The following MDGA2 variants were observed in gnomAD, a reference collection of about 807,000 sequenced individuals.
MDGA2 encodes the protein MAM domain-containing glycosylphosphatidylinositol anchor protein 2.
MDGA2 carries 40 observed loss-of-function variants against 117.8 expected under a neutral mutation model. The observed-to-expected ratio is 0.34, with a 90% confidence interval of 0.26 to 0.44. The LOEUF (loss-of-function observed/expected upper bound fraction) is 0.44. Ranked by LOEUF, MDGA2 falls within the 20% of genes least tolerant of loss-of-function variation. The pLI, the probability that MDGA2 is intolerant of heterozygous loss-of-function variation, is 1.00. For synonymous variants in MDGA2, 452 were observed against 439.0 expected (o/e 1.03, Z -0.37); for missense variants, 1,123 against 1,250.6 (o/e 0.90, Z 1.54).
At chr14:46,939,938 T>C (rs1274783971) in intron 9 of MDGA2, among the ~76,000 whole-genome samples, 1 of 152,126 alleles carries the variant, frequency 6.6e-6, no homozygotes, top group East Asian at 1.9e-4. Context: ...GAGGCTGAAA[T>C]CCAGGCTGTA....
At chr14:47,047,681 G>A (rs751021536) in intron 7 of MDGA2, among the ~76,000 whole-genome samples, 66 of 151,848 alleles carry the variant, frequency 4.3e-4, no homozygotes, top group East Asian at 5.8e-4. Context: ...ATCACTGTAC[G>A]TTGTGTATCA....
intron 5 of MDGA2, among the ~76,000 whole-genome samples, chr14:47,107,664 C>T (rs1422446259): frequency 6.6e-6 from 1 of 151,192 alleles, no homozygotes. Flanking sequence ...CGATCGTGTC[C>T]GACTGATCTC....
intron 1 of MDGA2, among the ~76,000 whole-genome samples, chr14:47,388,323 T>A (rs1013646195): frequency 1.3e-5 from 2 of 152,148 alleles, no homozygotes; most frequent in Non-Finnish European, 2.9e-5. Flanking sequence ...GAGAATAGTA[T>A]ACTGAAGTAA....
intron 3 of MDGA2, among the ~76,000 whole-genome samples, chr14:47,166,663 T>C (rs1313181714): frequency 1.3e-5 from 2 of 152,254 alleles, no homozygotes; most frequent in East Asian, 3.9e-4. Flanking sequence ...ACTTCTAGTC[T>C]ACAAAGCTTG....
At chr14:47,387,824 A>G (rs1315629441) in intron 1 of MDGA2, among the ~76,000 whole-genome samples, 1 of 152,210 alleles carries the variant, frequency 6.6e-6, no homozygotes, top group African/African-American at 2.4e-5. Context: ...TGGACTGAGG[A>G]TACGTTTACG....
intron 1 of MDGA2, among the ~76,000 whole-genome samples, chr14:47,537,703 C>G (rs1465515428): frequency 1.3e-5 from 2 of 148,300 alleles, no homozygotes; most frequent in Non-Finnish European, 3.0e-5. Context: ...TTTGACTAAA[C>G]CAACCTTTGT....
intron 9 of MDGA2, among the ~76,000 whole-genome samples, chr14:46,924,368 G>A (rs1019959747): frequency 5.9e-5 from 9 of 151,716 alleles, no homozygotes; most frequent in African/African-American, 2.2e-4. Flanking sequence ...AAATGTGCTC[G>A]GATAAAGGAA....
intron 1 of MDGA2, among the ~76,000 whole-genome samples, chr14:47,360,556 C>G (rs1891098001): frequency 6.6e-6 from 1 of 151,758 alleles, no homozygotes; most frequent in East Asian, 1.9e-4. Context: ...GGAATATTAT[C>G]AAAAGACAAG....
intron 1 of MDGA2, among the ~76,000 whole-genome samples, chr14:47,369,642 G>C (rs1428676894): frequency 6.6e-6 from 1 of 151,988 alleles, no homozygotes; most frequent in African/African-American, 2.4e-5. Context: ...ATGCTCACTA[G>C]CATTTTATTT....
intron 8 of MDGA2, among the ~76,000 whole-genome samples, chr14:47,013,372 T>C (rs1887962869): frequency 6.6e-6 from 1 of 152,128 alleles, no homozygotes; most frequent in Admixed American, 6.6e-5. Context: ...ACTGAAGTTC[T>C]TTCGTGAGAT....
chr14:47,540,540 G>GTGTGTATATATATATATATATATATATA, intron 1 of MDGA2, among the ~76,000 whole-genome samples: 3 of 79,184 alleles, frequency 3.8e-5, no homozygotes, highest in African/African-American at 1.2e-4. Flanking sequence ...GTGTGTGTGT[G>GTGTGTATATATATATATATATATATATA]TATATATATA....
intron 4 of MDGA2, among the ~76,000 whole-genome samples, chr14:47,132,943 C>T (rs987375385): frequency 2.6e-5 from 4 of 151,750 alleles, no homozygotes; most frequent in Non-Finnish European, 4.4e-5. Context: ...AAAAACACTG[C>T]TGTTCATTTG....
intron 6 of MDGA2, among the ~76,000 whole-genome samples, chr14:47,092,430 C>T (rs1056349110): frequency 6.6e-6 from 1 of 152,064 alleles, no homozygotes; most frequent in Admixed American, 6.6e-5. Context: ...TGGAAGAAAT[C>T]TCAAGCCATG....
chr14:47,670,711 C>A (rs1033121918), intron 1 of MDGA2, among the ~76,000 whole-genome samples: 2 of 151,986 alleles, frequency 1.3e-5, no homozygotes, highest in Admixed American at 1.3e-4. Context: ...AAATTAATAA[C>A]GTGAAAAATA....
chr14:47,233,147 CTA>C lies in MDGA2; in HGVS notation c.421-14954_421-14953del, dbSNP rs1886746420. Among the ~76,000 whole-genome samples the C allele has an allele frequency of 2.0e-5, 3 of 152,002 alleles. No individual in the cohort carries two copies. In the South Asian group the frequency reaches 6.2e-4, roughly 32 times the overall value. The stretch of plus-strand genomic sequence containing the variant: ...TAAAAGTTTACTGCTTGATAGTAAA[CTA>C]TGTCACCAGTTCATCTATCCATGTA... On this transcript the variant is annotated intron_variant, in intron 2 of 16. Transcript: ENST00000399232.
At chr14:47,401,887 C>G (rs561730731) in intron 1 of MDGA2, among the ~76,000 whole-genome samples, 17 of 152,194 alleles carry the variant, frequency 1.1e-4, no homozygotes, top group Non-Finnish European at 1.9e-4. Flanking sequence ...TTAATACGGT[C>G]ATTCTCAAGG....
chr14:46,970,372 A>G (rs1886216860), intron 8 of MDGA2, among the ~76,000 whole-genome samples: 2 of 152,176 alleles, frequency 1.3e-5, no homozygotes, highest in Non-Finnish European at 2.9e-5. Flanking sequence ...AATGGAATGG[A>G]GTAATGAGTC....
chr14:47,389,033 G>A (rs1427866857), intron 1 of MDGA2, among the ~76,000 whole-genome samples: 3 of 152,142 alleles, frequency 2.0e-5, no homozygotes, highest in African/African-American at 7.2e-5. Context: ...TGCAACAGAG[G>A]CTTTGTGCCA....
At chr14:47,160,066 T>G (rs1202142807) in intron 3 of MDGA2, among the ~76,000 whole-genome samples, 3 of 152,184 alleles carry the variant, frequency 2.0e-5, no homozygotes, top group Admixed American at 2.0e-4. Context: ...AGGTCTAATT[T>G]TATTTTCTTT....
Sources: allele counts gnomAD v4.1 joint callset (sites outside exome capture counted in the v4.1 genomes callset), GRCh38; gene constraint gnomAD v4.1.1; transcripts MANE v1.5; gene names NCBI Gene and HGNC (gene_info 2026-07-23, HGNC 2026-07-21).